MPDZ: variants seen among roughly 807,000 people sequenced by gnomAD.
The protein encoded by MPDZ is multiple PDZ domain crumbs cell polarity complex component.
MPDZ carries 234 observed loss-of-function variants against 239.1 expected under a neutral mutation model. That is an observed-to-expected ratio of 0.98 (90% CI 0.88 to 1.09). The LOEUF is 1.09. Among genes scored for constraint, MPDZ ranks in the 50% least tolerant of loss-of-function variants. The probability of loss-of-function intolerance (pLI) is 0.00; values close to 1 mark genes in which losing one functional copy is unlikely to be tolerated. For synonymous variants in MPDZ, 1,048 were observed against 881.3 expected (o/e 1.19, Z -3.35); for missense variants, 3,175 against 2,510.0 (o/e 1.26, Z -5.66).
chr9:13,168,274 C>A, intron 22 of MPDZ, 92 bp downstream of exon 22: 1 of 1,128,496 alleles, frequency 8.9e-7, no homozygotes, highest in Non-Finnish European at 1.3e-6. Context: ...ATAACGTTTG[C>A]ATCTCAAACA....
intron 27 of MPDZ, among the ~76,000 whole-genome samples, chr9:13,141,235 G>T (rs1461194744): frequency 6.6e-6 from 1 of 152,136 alleles, no homozygotes; most frequent in African/African-American, 2.4e-5. Flanking sequence ...AGTTTGAAAG[G>T]TCTTTAAGTT....
intron 21 of MPDZ, among the ~76,000 whole-genome samples, chr9:13,171,940 C>T (rs1269026992): frequency 6.6e-6 from 1 of 152,146 alleles, no homozygotes; most frequent in Non-Finnish European, 1.5e-5. Flanking sequence ...AGCACAAACC[C>T]AGCCTCTATT....
chr9:13,233,469 G>C (rs912550066), intron 3 of MPDZ, among the ~76,000 whole-genome samples: 3 of 152,026 alleles, frequency 2.0e-5, no homozygotes, highest in African/African-American at 7.2e-5. Flanking sequence ...ACTTATCTCC[G>C]AGATAAAGTC....
chr9:13,112,895 G>C (rs1473446625), intron 42 of MPDZ, 116 bp downstream of exon 42: 1 of 982,794 alleles, frequency 1.0e-6, no homozygotes, highest in Non-Finnish European at 1.5e-6. Context: ...TAATATGTAA[G>C]AATACATACT....
At chr9:13,149,815 T>C (rs1037318768) in intron 25 of MPDZ, among the ~76,000 whole-genome samples, 2 of 152,026 alleles carry the variant, frequency 1.3e-5, no homozygotes, top group South Asian at 2.1e-4. Flanking sequence ...AAAATGCACA[T>C]ACATGTGCAC....
chr9:13,205,660 G>C (rs1455131492), intron 11 of MPDZ, among the ~76,000 whole-genome samples: 1 of 152,056 alleles, frequency 6.6e-6, no homozygotes, highest in Non-Finnish European at 1.5e-5. Flanking sequence ...ACTGAGAAAT[G>C]GTGACAATGA....
intron 12 of MPDZ, among the ~76,000 whole-genome samples, chr9:13,200,346 G>C (rs1209409285): frequency 6.6e-6 from 1 of 151,686 alleles, no homozygotes; most frequent in Non-Finnish European, 1.5e-5. Flanking sequence ...GGCTTACTAT[G>C]GCGAAAGACT....
At chr9:13,211,927 C>A (rs528602300) in intron 10 of MPDZ, among the ~76,000 whole-genome samples, 3 of 151,812 alleles carry the variant, frequency 2.0e-5, no homozygotes, top group African/African-American at 7.3e-5. Context: ...ATTCTTTAAA[C>A]CTTAAAGACA....
intron 21 of MPDZ, among the ~76,000 whole-genome samples, chr9:13,174,598 C>G (rs975723941): frequency 6.6e-6 from 1 of 152,156 alleles, no homozygotes; most frequent in African/African-American, 2.4e-5. Context: ...ACTTGGAACT[C>G]ATTTATAACT....
intron 21 of MPDZ, 136 bp from the exon 22 acceptor site, chr9:13,168,700 A>G: frequency 1.4e-6 from 1 of 715,246 alleles, no homozygotes; most frequent in Non-Finnish European, 2.2e-6. Context: ...CATAGCAAAA[A>G]CAGGAAAAAG....
Position 13,150,570 on chromosome 9 carries a change from GA to G in MPDZ, c.3570del (p.Leu1191TrpfsTer12). The G allele has an allele frequency of 6.4e-7, 1 of 1,567,110 alleles. No homozygotes were observed. The highest frequency in any genetic ancestry group is 8.7e-7 in the Non-Finnish European group (1 of 1,154,940). ...EVMRGIFIKHVLEDSPAGKNG... is the reference protein window; with the variant it reads ...EVMRGIFIKHXLEDSPAGKNG... Reference sequence around the variant, plus strand: ...TTTTTGCCAGCTGGACTATCTTCCAGAACATGTTTGATGAAAATGCCCCTCA... The same window carrying G: ...TTTTTGCCAGCTGGACTATCTTCCAGACATGTTTGATGAAAATGCCCCTCA... On this transcript the variant is annotated frameshift_variant, in exon 25 of 47. Transcript: ENST00000319217. LOFTEE classifies it high-confidence loss of function.
Position 13,183,426 on chromosome 9 carries a change from G to A in MPDZ, c.2641C>T (p.Pro881Ser). The change falls in exon 19 of 47, where the codon CCT becomes TCT. Residue 881 changes from proline (P) to serine (S), a missense_variant. Coordinates refer to ENST00000319217, the MANE Select transcript of MPDZ (RefSeq NM_001378778.1). ...LNYGSSLPSS[P>S]PKDVIENSCD... ...TGGCTTTTCCTTTGTACCTTAGGAG[G>A]AGATGATGGAAGGGAAGAACCATAG... The A allele has an allele frequency of 2.5e-6, 4 of 1,604,670 alleles. No individual in the cohort carries two copies. The highest frequency in any genetic ancestry group is 3.4e-6 in the Non-Finnish European group (4 of 1,176,680).
In MPDZ at chr9:13,184,585, A is replaced by C. The variant is rs569561650; in HGVS notation, c.2482-1000T>G. Among the ~76,000 whole-genome samples, 193 of 152,102 alleles carry C rather than the reference A, an allele frequency of 1.3e-3. 2 individuals carry two copies. Among genetic ancestry groups the C allele is most frequent in the Non-Finnish European group, 2.1e-3 (141 of 67,912 alleles). ...AGGCCTAATAATATATTTTAAATAC[A>C]TGTTCAAATTCACTAGTGAGTCACT... On this transcript the variant is annotated intron_variant, in intron 18 of 46. Transcript: ENST00000319217.
intron 1 of MPDZ, among the ~76,000 whole-genome samples, chr9:13,254,848 G>C (rs1160148824): frequency 6.6e-6 from 1 of 152,200 alleles, no homozygotes; most frequent in African/African-American, 2.4e-5. Context: ...AGCTGGTGGA[G>C]GGTCTTGCCT....
intron 3 of MPDZ, among the ~76,000 whole-genome samples, chr9:13,240,006 T>G (rs1426297150): frequency 6.6e-6 from 1 of 152,142 alleles, no homozygotes; most frequent in East Asian, 1.9e-4. Context: ...TATCAAGGTA[T>G]GCTGAAATTT....
At chr9:13,108,243 G>T (rs769361945) in intron 46 of MPDZ, among the ~76,000 whole-genome samples, 3 of 152,090 alleles carry the variant, frequency 2.0e-5, no homozygotes, top group African/African-American at 7.2e-5. Flanking sequence ...CCTGAAAAAC[G>T]ACTTAACATA....
chr9:13,223,259 G>T lies in MPDZ; in HGVS notation c.533+312C>A, dbSNP rs146987404. 1.2e-3 allele frequency among the ~76,000 whole-genome samples: 183 copies of T among 151,854 alleles called. 1 individual carries two copies. The highest frequency in any genetic ancestry group is 4.2e-3 in the African/African-American group (174 of 41,450). On this transcript the variant is annotated intron_variant, in intron 5 of 46. Coordinates refer to ENST00000319217, the MANE Select transcript of MPDZ (RefSeq NM_001378778.1). ...AAAAATGCAGCTCGAATTATTATGG[G>T]TCATTTCTAGCATGGTAATTTTAAA...
chr9:13,116,796 A>G (rs1943523189), intron 39 of MPDZ, among the ~76,000 whole-genome samples: 1 of 152,200 alleles, frequency 6.6e-6, no homozygotes. Flanking sequence ...TAAAATGAAA[A>G]AAGATGGGGG....
chr9:13,186,371 C>T lies in MPDZ; in HGVS notation c.2380G>A (p.Gly794Ser). ...AKPLPLSPEE[G>S]YVSAKEDSFL... ...GAATCCTCCTTAGCAGAAACATAACCTTCTTCTGGTGAAAGCTGCAGGGAA... is the reference window on the plus strand; with the variant it reads ...GAATCCTCCTTAGCAGAAACATAACTTTCTTCTGGTGAAAGCTGCAGGGAA... Residue 794 changes from glycine to serine, a missense_variant, in exon 18 of 47, where the codon GGT becomes AGT. Transcript: ENST00000319217. 3 of 1,577,030 alleles carry T rather than the reference C, an allele frequency of 1.9e-6. No homozygotes were observed. The highest frequency in any genetic ancestry group is 2.6e-6 in the Non-Finnish European group (3 of 1,159,856).
Sources: allele counts gnomAD v4.1 joint callset (sites outside exome capture counted in the v4.1 genomes callset), GRCh38; gene constraint gnomAD v4.1.1; transcripts MANE v1.5; gene names NCBI Gene and HGNC (gene_info 2026-07-23, HGNC 2026-07-21).